Variants in GRIA1 observed in about 807,000 individuals in gnomAD.
The protein encoded by GRIA1 is glutamate receptor 1.
In GRIA1, 31 loss-of-function variants were observed where a neutral mutation model predicts 99.2. The observed-to-expected ratio is 0.31, with a 90% CI of 0.23 to 0.42. The LOEUF is 0.42. Ranked by LOEUF, GRIA1 falls within the 10% of genes least tolerant of loss-of-function variation. The probability of loss-of-function intolerance (pLI) is 1.00; values close to 1 mark genes in which losing one functional copy is unlikely to be tolerated. For missense variants in GRIA1, 782 were observed against 1,157.5 expected, an observed-to-expected ratio of 0.68 and a Z score of 4.71; for synonymous variants, 438 against 432.4, an observed-to-expected ratio of 1.01 and a Z score of -0.16.
intron 13 of GRIA1, among the ~76,000 whole-genome samples, chr5:153,776,260 C>T (rs1265325174): frequency 1.3e-5 from 2 of 152,120 alleles, no homozygotes; most frequent in Non-Finnish European, 2.9e-5. Context: ...GCTCTATGTT[C>T]GTCACTAGTC....
chr5:153,561,323 C>T (rs1364786036), intron 2 of GRIA1, among the ~76,000 whole-genome samples: 1 of 152,072 alleles, frequency 6.6e-6, no homozygotes. Flanking sequence ...GTAACTTGTA[C>T]AGCCTGGACC....
chr5:153,663,798 A>C (rs1755546887), intron 5 of GRIA1, among the ~76,000 whole-genome samples: 1 of 152,222 alleles, frequency 6.6e-6, no homozygotes. Context: ...GTTCAGAGGT[A>C]TCAAAAAATA....
At chr5:153,704,456 G>A (rs1470992470) in intron 10 of GRIA1, among the ~76,000 whole-genome samples, 2 of 152,226 alleles carry the variant, frequency 1.3e-5, no homozygotes, top group Non-Finnish European at 2.9e-5. Flanking sequence ...GAGAGAGGTA[G>A]GAAAGACAGG....
chr5:153,492,849 CAGGT>C (rs1200477921), intron 1 of GRIA1, among the ~76,000 whole-genome samples: 12 of 152,048 alleles, frequency 7.9e-5, no homozygotes, highest in African/African-American at 2.7e-4. Context: ...TCACTGCCAT[CAGGT>C]AGTACTTGAT....
At chr5:153,709,589 TA>T (rs1759164426) in intron 11 of GRIA1, among the ~76,000 whole-genome samples, 1 of 152,190 alleles carries the variant, frequency 6.6e-6, no homozygotes, top group Non-Finnish European at 1.5e-5. Context: ...TGGTAGCAGG[TA>T]GTGGCTTGTG....
intron 8 of GRIA1, among the ~76,000 whole-genome samples, chr5:153,687,366 T>C (rs746075128): frequency 6.6e-6 from 1 of 152,134 alleles, no homozygotes; most frequent in Non-Finnish European, 1.5e-5. Flanking sequence ...TTAATTCTCT[T>C]ATCTAGTAAG....
chr5:153,645,861 A>T (rs188955315), intron 2 of GRIA1, among the ~76,000 whole-genome samples: 5 of 152,322 alleles, frequency 3.3e-5, no homozygotes, highest in African/African-American at 9.6e-5. Context: ...TAAATAGCCT[A>T]ATATATGTAA....
intron 2 of GRIA1, among the ~76,000 whole-genome samples, chr5:153,639,446 A>G (rs1753631890): frequency 6.6e-6 from 1 of 152,140 alleles, no homozygotes; most frequent in Non-Finnish European, 1.5e-5. Flanking sequence ...CCTCATTCAG[A>G]GCCTCTGTTC....
chr5:153,533,190 G>A (rs1758240520), intron 2 of GRIA1, among the ~76,000 whole-genome samples: 1 of 152,122 alleles, frequency 6.6e-6, no homozygotes, highest in Admixed American at 6.6e-5. Context: ...GAGTCTCAAG[G>A]CAAATGCACA....
intron 14 of GRIA1, among the ~76,000 whole-genome samples, chr5:153,797,524 A>G (rs954062704): frequency 6.6e-6 from 1 of 152,222 alleles, no homozygotes; most frequent in African/African-American, 2.4e-5. Context: ...TGCATAGTCC[A>G]AGCACATATT....
intron 2 of GRIA1, among the ~76,000 whole-genome samples, chr5:153,609,166 C>T (rs115576876): frequency 0.032 from 4,858 of 152,242 alleles, 100 homozygotes; most frequent in Middle Eastern, 0.068. Context: ...TAGTTGCTTA[C>T]TCTAGAATTA....
chr5:153,797,090 T>A (rs1765698364), intron 14 of GRIA1, among the ~76,000 whole-genome samples: 1 of 152,086 alleles, frequency 6.6e-6, no homozygotes, highest in South Asian at 2.1e-4. Flanking sequence ...CAGAGGGACG[T>A]GAGTGGAGAA....
Position 153,794,628 on chromosome 5 carries a change from G to A in GRIA1, c.2278G>A (p.Val760Ile). 1.9e-6 allele frequency: 3 copies of A among 1,605,244 alleles called. No homozygotes were observed. Among genetic ancestry groups the A allele is most frequent in the Non-Finnish European group, 2.6e-6 (3 of 1,172,202 alleles). ...TPKGSALRNPVNLAVLKLNEQ... is the reference protein window; with the variant it reads ...TPKGSALRNPINLAVLKLNEQ... ...ATTTATTCGTTTTTAAAGAAATCCA[G>A]TAAACCTGGCAGTGTTAAAACTGAA... The change falls in exon 14 of 16, where the codon GTA becomes ATA. Residue 760 changes from valine to isoleucine, a missense_variant. Transcript: ENST00000285900.
rs571791648 is a variant in GRIA1, at chr5:153,660,142, A to T, written c.699+4270A>T. Among the ~76,000 whole-genome samples the T allele has an allele frequency of 2.6e-5, 4 of 152,310 alleles. No homozygotes were observed. The East Asian group carries it at 7.7e-4, about 29-fold the overall frequency. ...TAATTAATGGAGTTTGGCTGTCAGG[A>T]ATATGACAAAAACCAAGAGATGTGG... is the stretch of plus-strand genomic sequence containing the variant. On this transcript the variant is annotated intron_variant, in intron 5 of 15. Coordinates refer to ENST00000285900, the MANE Select transcript of GRIA1 (RefSeq NM_000827.4).
intron 11 of GRIA1, among the ~76,000 whole-genome samples, chr5:153,759,722 A>G (rs546200750): frequency 6.6e-6 from 1 of 152,148 alleles, no homozygotes; most frequent in South Asian, 2.1e-4. Flanking sequence ...AATTACCCTA[A>G]TCCCAAAACC....
At position 153,569,562 on chromosome 5, in the gene GRIA1, G is replaced by A. The variant is rs192916787; in HGVS notation, c.220+75497G>A. Among the ~76,000 whole-genome samples the A allele has an allele frequency of 6.4e-3, 968 of 151,762 alleles. 12 individuals are homozygous for A. Among genetic ancestry groups the A allele is most frequent in the African/African-American group, 0.022 (915 of 41,030 alleles). On this transcript the variant is annotated intron_variant, in intron 2 of 15. Transcript: ENST00000285900. ...ATTGAGCCTGGCCCGCCTGAACCTG[G>A]GATAGCCCAGATATAAAATGATAAT...
intron 2 of GRIA1, among the ~76,000 whole-genome samples, chr5:153,534,395 A>T (rs1303202987): frequency 6.6e-6 from 1 of 152,196 alleles, no homozygotes; most frequent in Non-Finnish European, 1.5e-5. Context: ...AGGGCCAAAA[A>T]GTCCTTAGAA....
intron 2 of GRIA1, among the ~76,000 whole-genome samples, chr5:153,590,054 T>C (rs1441434836): frequency 6.6e-6 from 1 of 152,176 alleles, no homozygotes; most frequent in East Asian, 1.9e-4. Context: ...GTTTGTCTCA[T>C]TTGTAAATTT....
intron 2 of GRIA1, among the ~76,000 whole-genome samples, chr5:153,571,689 A>G (rs1391951731): frequency 1.3e-5 from 2 of 152,202 alleles, no homozygotes; most frequent in Non-Finnish European, 2.9e-5. Context: ...AACATGGGAT[A>G]AATATGATAC....
Sources: allele counts gnomAD v4.1 joint callset (sites outside exome capture counted in the v4.1 genomes callset), GRCh38; gene constraint gnomAD v4.1.1; transcripts MANE v1.5; gene names NCBI Gene and HGNC (gene_info 2026-07-23, HGNC 2026-07-21).